DRC8: variants seen among roughly 807,000 people sequenced by gnomAD.
DRC8 encodes the protein dynein regulatory complex subunit 8.
chr1:245,015,356 T>C, the DRC8 span, among the ~76,000 whole-genome samples: 4 of 152,318 alleles, frequency 2.6e-5, no homozygotes, highest in African/African-American at 9.6e-5. Context: ...AACCCTTTTC[T>C]TTCTCTCTGC....
At chr1:245,032,534 C>T in the DRC8 span, among the ~76,000 whole-genome samples, 1 of 152,214 alleles carries the variant, frequency 6.6e-6, no homozygotes, top group African/African-American at 2.4e-5. Flanking sequence ...ATTTCCTTTG[C>T]TCACATAACT....
At chr1:245,048,986 C>CT in the DRC8 span, among the ~76,000 whole-genome samples, 274 of 137,900 alleles carry the variant, frequency 2.0e-3, 1 homozygote, top group African/African-American at 7.1e-3. Context: ...TTTTTCTTTT[C>CT]TTTTTTTTTT....
the DRC8 span, among the ~76,000 whole-genome samples, chr1:245,118,724 G>A: frequency 2.6e-5 from 4 of 151,446 alleles, no homozygotes; most frequent in African/African-American, 7.3e-5. Flanking sequence ...CCCAGGAGGC[G>A]GAGGTTGTGG....
the DRC8 span, among the ~76,000 whole-genome samples, chr1:245,109,173 G>C: frequency 6.6e-6 from 1 of 152,130 alleles, no homozygotes; most frequent in South Asian, 2.1e-4. Context: ...GAGAGAGCTC[G>C]GTTATTTATA....
At chr1:245,117,026 G>C in the DRC8 span, among the ~76,000 whole-genome samples, 1 of 152,152 alleles carries the variant, frequency 6.6e-6, no homozygotes, top group Non-Finnish European at 1.5e-5. Flanking sequence ...TAAGCAATTT[G>C]CATTCAGATT....
At chr1:245,096,050 A>T in the DRC8 span, among the ~76,000 whole-genome samples, 2 of 152,248 alleles carry the variant, frequency 1.3e-5, no homozygotes. Context: ...GTACTGAAAG[A>T]TTCAATTGGA....
At chr1:245,030,770 G>C in the DRC8 span, 2 of 152,444 alleles carry the variant, frequency 1.3e-5, no homozygotes, top group East Asian at 1.9e-4. Context: ...TTCTCTCTCT[G>C]TGCCGTTCCT....
At chr1:244,970,236 A>G in the DRC8 span, 7 of 752,766 alleles carry the variant, frequency 9.3e-6, no homozygotes, top group Non-Finnish European at 1.6e-5. Context: ...CGTGGCGCGA[A>G]ACGGGGACAG....
the DRC8 span, among the ~76,000 whole-genome samples, chr1:245,028,268 C>T: frequency 2.0e-5 from 3 of 152,140 alleles, no homozygotes; most frequent in Admixed American, 1.3e-4. Context: ...ACAATCATTT[C>T]TCATGGCTAA....
At chr1:245,081,066 A>G in the DRC8 span, among the ~76,000 whole-genome samples, 1 of 151,984 alleles carries the variant, frequency 6.6e-6, no homozygotes, top group Non-Finnish European at 1.5e-5. Flanking sequence ...TTCCTCATGG[A>G]TGACTTCCCT....
the DRC8 span, among the ~76,000 whole-genome samples, chr1:244,989,012 A>G: frequency 6.6e-6 from 1 of 152,336 alleles, no homozygotes; most frequent in East Asian, 1.9e-4. Context: ...CTTAACCATG[A>G]CACTGTATTG....
the DRC8 span, among the ~76,000 whole-genome samples, chr1:245,109,514 C>G: frequency 5.4e-3 from 820 of 152,290 alleles, 11 homozygotes; most frequent in African/African-American, 0.018. Context: ...GCCGGTACGC[C>G]TGGGTGTGCA....
At chr1:245,027,316 G>T in the DRC8 span, among the ~76,000 whole-genome samples, 1 of 151,954 alleles carries the variant, frequency 6.6e-6, no homozygotes, top group Non-Finnish European at 1.5e-5. Flanking sequence ...AAAATAAGTG[G>T]ATAGAAGGGT....
At chr1:244,995,483 C>T in the DRC8 span, among the ~76,000 whole-genome samples, 23 of 152,228 alleles carry the variant, frequency 1.5e-4, no homozygotes, top group South Asian at 4.2e-4. Context: ...CTCACCTTCC[C>T]GAGTAGCAAG....
chr1:245,054,806 G>A, the DRC8 span, among the ~76,000 whole-genome samples: 945 of 152,322 alleles, frequency 6.2e-3, 15 homozygotes, highest in African/African-American at 0.021. Context: ...TCTGTGGTTT[G>A]ATTTTACCCC....
the DRC8 span, among the ~76,000 whole-genome samples, chr1:245,095,475 C>T: frequency 3.3e-5 from 5 of 152,180 alleles, no homozygotes; most frequent in Non-Finnish European, 5.9e-5. Flanking sequence ...AGTGTGTACT[C>T]ACCTAAAACA....
At chr1:244,972,063 CTG>C in the DRC8 span, among the ~76,000 whole-genome samples, 2,548 of 151,216 alleles carry the variant, frequency 0.017, 75 homozygotes, top group African/African-American at 0.056. Flanking sequence ...AAAAAACGCA[CTG>C]GAGTATGGTA....
the DRC8 span, among the ~76,000 whole-genome samples, chr1:245,076,073 A>T: frequency 1.3e-5 from 2 of 152,340 alleles, no homozygotes; most frequent in East Asian, 3.9e-4. Context: ...GCCACATTCC[A>T]CGTGGCATTT....
chr1:244,977,488 C>G, the DRC8 span, among the ~76,000 whole-genome samples: 5 of 151,938 alleles, frequency 3.3e-5, no homozygotes, highest in African/African-American at 1.2e-4. Context: ...AGTTCGAGAC[C>G]AGCCTGGGCA....
Sources: allele counts gnomAD v4.1 joint callset (sites outside exome capture counted in the v4.1 genomes callset), GRCh38; gene constraint gnomAD v4.1.1; transcripts MANE v1.5; gene names NCBI Gene and HGNC (gene_info 2026-07-23, HGNC 2026-07-21).